Variants in FAF1 observed in about 807,000 individuals in gnomAD.
FAF1 encodes Fas associated factor 1, also known as FAS-associated factor 1.
FAF1 carries 25 observed loss-of-function variants against 92.5 expected under a neutral mutation model. That is an observed-to-expected ratio of 0.27 (90% CI 0.20 to 0.38). The LOEUF is 0.38. Ranked by LOEUF, FAF1 falls within the 10% of genes least tolerant of loss-of-function variation. The pLI, the probability that FAF1 is intolerant of heterozygous loss-of-function variation, is 1.00. For synonymous variants in FAF1, 234 were observed against 273.2 expected (o/e 0.86, Z 1.42); for missense variants, 636 against 793.3 (o/e 0.80, Z 2.38).
intron 7 of FAF1, among the ~76,000 whole-genome samples, chr1:50,678,261 A>G (rs1159346904): frequency 1.3e-5 from 2 of 152,202 alleles, no homozygotes; most frequent in Non-Finnish European, 2.9e-5. Context: ...TGCAGTTTTT[A>G]GATTCTATAT....
chr1:50,926,035 G>C (rs1175364322), intron 1 of FAF1, among the ~76,000 whole-genome samples: 1 of 152,124 alleles, frequency 6.6e-6, no homozygotes, highest in Non-Finnish European at 1.5e-5. Flanking sequence ...GGGTAACATA[G>C]CAATACCCCA....
chr1:50,678,776 CAAAAAAAAA>C (rs58946586), intron 7 of FAF1, among the ~76,000 whole-genome samples: 1 of 13,930 alleles, frequency 7.2e-5, no homozygotes, highest in African/African-American at 1.9e-4. Flanking sequence ...GACTCCATCT[CAAAAAAAAA>C]AAAAAAAAAA....
intron 1 of FAF1, among the ~76,000 whole-genome samples, chr1:50,927,373 G>C (rs1196107481): frequency 6.6e-6 from 1 of 152,088 alleles, no homozygotes; most frequent in East Asian, 1.9e-4. Context: ...TTGAGGTCAG[G>C]AGTTCGAGAC....
At chr1:50,880,022 A>T (rs1014164664) in intron 1 of FAF1, among the ~76,000 whole-genome samples, 1 of 152,264 alleles carries the variant, frequency 6.6e-6, no homozygotes, top group African/African-American at 2.4e-5. Flanking sequence ...ATATCATTTC[A>T]TCTTCTCTAT....
chr1:50,780,948 G>T, intron 4 of FAF1: 1 of 480,858 alleles, frequency 2.1e-6, no homozygotes, highest in Non-Finnish European at 4.2e-6. Flanking sequence ...AGGCTGAGCA[G>T]CAGGAACAGG....
At position 50,506,043 on chromosome 1, in the gene FAF1, T is replaced by C. The variant is rs181120677; in HGVS notation, c.1495-14242A>G. 7.9e-3 allele frequency among the ~76,000 whole-genome samples: 1,199 copies of C among 152,304 alleles called. 7 individuals carry two copies. Among genetic ancestry groups the C allele is most frequent in the Non-Finnish European group, 0.012 (789 of 68,026 alleles). On this transcript the variant is annotated intron_variant, in intron 15 of 18. Coordinates refer to ENST00000396153, the MANE Select transcript of FAF1 (RefSeq NM_007051.3). ...GAGCAGCCTTTACATGTGCCAATAGTAGAAAGTCTTGAAAAGGATTTTGCA... is the reference window on the plus strand; with the variant it reads ...GAGCAGCCTTTACATGTGCCAATAGCAGAAAGTCTTGAAAAGGATTTTGCA...
At position 50,576,411 on chromosome 1, in the gene FAF1, T is replaced by C. The variant is rs115281737; in HGVS notation, c.1113+6207A>G. On this transcript the variant is annotated intron_variant, in intron 12 of 18. Coordinates refer to ENST00000396153, the MANE Select transcript of FAF1 (RefSeq NM_007051.3). ...TTTGGAGCTGTAATGAAATTACTAA[T>C]ATCAAAGCTCAGACTCCCAAAGGGA... Among the ~76,000 whole-genome samples the C allele has an allele frequency of 3.5e-3, 530 of 152,316 alleles. 4 individuals carry two copies. The highest frequency in any genetic ancestry group is 0.012 in the African/African-American group (487 of 41,576).
chr1:50,820,368 G>A (rs905117723), intron 2 of FAF1, among the ~76,000 whole-genome samples: 2 of 152,080 alleles, frequency 1.3e-5, no homozygotes, highest in Non-Finnish European at 2.9e-5. Flanking sequence ...TAAAAGTTGT[G>A]TATATTCAAG....
intron 4 of FAF1, among the ~76,000 whole-genome samples, chr1:50,760,021 T>A (rs1203054500): frequency 6.6e-6 from 1 of 152,192 alleles, no homozygotes; most frequent in Non-Finnish European, 1.5e-5. Flanking sequence ...CTTGTAAATT[T>A]GTTTGAGTTC....
At position 50,722,809 on chromosome 1, in the gene FAF1, A is replaced by G. The variant is rs577234513; in HGVS notation, c.551+16054T>C. Among the ~76,000 whole-genome samples, 10 of 152,298 alleles carry G rather than the reference A, an allele frequency of 6.6e-5. No homozygotes were observed. In the East Asian group the frequency reaches 1.5e-3, roughly 24 times the overall value. ...CACATACTGACCTCTCTAAAATCCT[A>G]TAAGGCAGAAATCATCCTGATCATT... On this transcript the variant is annotated intron_variant, in intron 6 of 18. Transcript: ENST00000396153.
intron 4 of FAF1, among the ~76,000 whole-genome samples, chr1:50,752,769 G>A (rs1362464631): frequency 1.3e-5 from 2 of 151,956 alleles, no homozygotes; most frequent in Non-Finnish European, 2.9e-5. Context: ...TGCAGCCTCC[G>A]CCTCCCGGGT....
intron 2 of FAF1, among the ~76,000 whole-genome samples, chr1:50,823,490 C>T (rs1347970369): frequency 6.6e-6 from 1 of 152,076 alleles, no homozygotes; most frequent in African/African-American, 2.4e-5. Context: ...TCCATTCTTC[C>T]ATCTGGCCAG....
chr1:50,878,901 TC>T (rs1644590452), intron 1 of FAF1, among the ~76,000 whole-genome samples: 3 of 152,206 alleles, frequency 2.0e-5, no homozygotes, highest in African/African-American at 7.2e-5. Flanking sequence ...CAGAACACTT[TC>T]CCCCACAGCT....
chr1:50,905,891 C>T (rs769365374), intron 1 of FAF1, among the ~76,000 whole-genome samples: 8 of 152,118 alleles, frequency 5.3e-5, no homozygotes, highest in Non-Finnish European at 1.0e-4. Flanking sequence ...AATTAGATCC[C>T]GTTTGTCAAT....
At chr1:50,581,924 A>T (rs1021758708) in intron 12 of FAF1, among the ~76,000 whole-genome samples, 1 of 152,202 alleles carries the variant, frequency 6.6e-6, no homozygotes, top group African/African-American at 2.4e-5. Context: ...TGCTGTGACA[A>T]CATACAAATA....
chr1:50,846,195 A>G lies in FAF1; in HGVS notation c.114+11734T>C, dbSNP rs576935232. Among the ~76,000 whole-genome samples the G allele has an allele frequency of 2.6e-5, 4 of 152,190 alleles. No individual in the cohort carries two copies. In the East Asian group the frequency reaches 5.8e-4, roughly 22 times the overall value. ...GCATAAAATCTATTTGCCTTTGTCT[A>G]TACTATGCTACATACGATGTACAGC... On this transcript the variant is annotated intron_variant, in intron 2 of 18. Transcript: ENST00000396153.
chr1:50,846,537 A>G (rs1644302178), intron 2 of FAF1: 1 of 505,314 alleles, frequency 2.0e-6, no homozygotes, highest in Non-Finnish European at 3.9e-6. Context: ...GCTTTGAAAC[A>G]TACGATAGAG....
chr1:50,725,652 C>T (rs1454416687), intron 6 of FAF1, among the ~76,000 whole-genome samples: 1 of 152,040 alleles, frequency 6.6e-6, no homozygotes, highest in African/African-American at 2.4e-5. Context: ...GAAGGGGTTT[C>T]GCCATGTTGT....
intron 6 of FAF1, among the ~76,000 whole-genome samples, chr1:50,736,378 ATCTG>A (rs751951200): frequency 3.9e-5 from 6 of 152,272 alleles, no homozygotes; most frequent in Non-Finnish European, 7.3e-5. Flanking sequence ...AAGCAAGTTT[ATCTG>A]TCTACCATTT....
Sources: allele counts gnomAD v4.1 joint callset (sites outside exome capture counted in the v4.1 genomes callset), GRCh38; gene constraint gnomAD v4.1.1; transcripts MANE v1.5; gene names NCBI Gene and HGNC (gene_info 2026-07-23, HGNC 2026-07-21).